BANK1: variants seen among roughly 807,000 people sequenced by gnomAD.
The protein encoded by BANK1 is B-cell scaffold protein with ankyrin repeats.
A neutral mutation model predicts 94.5 loss-of-function variants in BANK1; 95 were observed. That is an observed-to-expected ratio of 1.00 (90% CI 0.85 to 1.19). The LOEUF is 1.19. Ranked by LOEUF, BANK1 falls within the 50% of genes most tolerant of loss-of-function variation. The pLI is 0.00. For missense variants in BANK1, 987 were observed against 932.2 expected (o/e 1.06, Z -0.77); for synonymous variants, 334 against 308.4 (o/e 1.08, Z -0.87).
At chr4:101,791,526 A>G (rs1356210877) in intron 1 of BANK1, among the ~76,000 whole-genome samples, 1 of 152,230 alleles carries the variant, frequency 6.6e-6, no homozygotes, top group Non-Finnish European at 1.5e-5. Context: ...TGAATGCAGA[A>G]GTAGATTTAT....
intron 1 of BANK1, among the ~76,000 whole-genome samples, chr4:101,810,746 T>C (rs1725709678): frequency 6.6e-6 from 1 of 152,218 alleles, no homozygotes; most frequent in South Asian, 2.1e-4. Context: ...GTATTTATTT[T>C]ATCAGTGGTT....
intron 7 of BANK1, among the ~76,000 whole-genome samples, chr4:101,981,689 G>T (rs1237313701): frequency 6.6e-6 from 1 of 151,840 alleles, no homozygotes; most frequent in East Asian, 1.9e-4. Context: ...TTCCCTCATC[G>T]GTTAAAATGT....
Position 101,958,972 on chromosome 4 carries a change from C to T in BANK1, c.1206+40783C>T, listed in dbSNP as rs574776976. Among the ~76,000 whole-genome samples, 26 of 152,256 alleles carry T rather than the reference C, an allele frequency of 1.7e-4. No individual in the cohort carries two copies. In the Middle Eastern group the frequency reaches 0.017, roughly 100 times the overall value. ...GATAATTTCACTTTGGTGTAAAAAA[C>T]TTGCGGATGGTCCTGTAAAATCAGC... On this transcript the variant is annotated intron_variant, in intron 7 of 16. Transcript: ENST00000322953.
At chr4:101,920,970 G>T (rs200640677) in intron 7 of BANK1, among the ~76,000 whole-genome samples, 1 of 151,788 alleles carries the variant, frequency 6.6e-6, no homozygotes, top group African/African-American at 2.4e-5. Flanking sequence ...GGGAGGAAGA[G>T]AAAGGAGAGA....
intron 7 of BANK1, among the ~76,000 whole-genome samples, chr4:102,010,062 C>A (rs181593729): frequency 2.0e-5 from 3 of 151,988 alleles, no homozygotes; most frequent in Non-Finnish European, 2.9e-5. Flanking sequence ...GTCAGGAGAT[C>A]GAGACCATCC....
chr4:102,071,104 C>T (rs1200472446), intron 13 of BANK1, among the ~76,000 whole-genome samples, 171 bp from the exon 14 acceptor site: 2 of 152,068 alleles, frequency 1.3e-5, no homozygotes, highest in African/African-American at 2.4e-5. Context: ...TGGTTTCACT[C>T]ACAGTGGCTG....
chr4:101,901,023 A>G (rs139589479), intron 6 of BANK1, among the ~76,000 whole-genome samples: 1 of 152,288 alleles, frequency 6.6e-6, no homozygotes, highest in African/African-American at 2.4e-5. Flanking sequence ...AGAGAAGAAA[A>G]TTATCAACCA....
At chr4:102,056,962 G>A (rs1314790948) in intron 11 of BANK1, among the ~76,000 whole-genome samples, 2 of 152,090 alleles carry the variant, frequency 1.3e-5, no homozygotes, top group African/African-American at 2.4e-5. Flanking sequence ...CCGAGATCAC[G>A]CCACTGCACT....
intron 6 of BANK1, among the ~76,000 whole-genome samples, chr4:101,911,110 T>C (rs1416331015): frequency 6.6e-6 from 1 of 152,190 alleles, no homozygotes; most frequent in Admixed American, 6.5e-5. Flanking sequence ...GATGAGAAGT[T>C]GCATACTTTG....
intron 7 of BANK1, among the ~76,000 whole-genome samples, chr4:102,001,472 C>T (rs573757113): frequency 1.3e-5 from 2 of 152,176 alleles, no homozygotes; most frequent in Admixed American, 6.5e-5. Context: ...TGGTGGCACA[C>T]GCCTGTAGTC....
rs75065762 is a variant in BANK1 at position 101,861,784 on chromosome 4, A to G, written c.625-742A>G. On this transcript the variant is annotated intron_variant, in intron 3 of 16. Coordinates refer to ENST00000322953, the MANE Select transcript of BANK1 (RefSeq NM_017935.5). ...TGCTGAGTATAATTTCTAGTATAAA[A>G]TAGATAATAAATGTTTATGCCTTTC... is the stretch of plus-strand genomic sequence containing the variant. Among the ~76,000 whole-genome samples the G allele has an allele frequency of 7.8e-4, 118 of 152,238 alleles. 1 individual carries two copies. The East Asian group carries it at 0.022, about 28-fold the overall frequency.
At chr4:101,900,692 T>C (rs1467108181) in intron 6 of BANK1, among the ~76,000 whole-genome samples, 1 of 152,178 alleles carries the variant, frequency 6.6e-6, no homozygotes, top group Non-Finnish European at 1.5e-5. Flanking sequence ...TAAATATCAA[T>C]GCTGTTAACT....
chr4:101,935,217 T>G (rs140742921), intron 7 of BANK1, among the ~76,000 whole-genome samples: 9 of 151,596 alleles, frequency 5.9e-5, no homozygotes, highest in African/African-American at 2.2e-4. Context: ...CAAATTAACA[T>G]AGTAAAACTG....
intron 6 of BANK1, among the ~76,000 whole-genome samples, chr4:101,897,034 G>A (rs1203245476): frequency 6.6e-6 from 1 of 151,814 alleles, no homozygotes; most frequent in Non-Finnish European, 1.5e-5. Context: ...AGTTCTATTT[G>A]GAAATTATTT....
chr4:102,061,296 A>G (rs1439465406), intron 12 of BANK1: 2 of 152,218 alleles, frequency 1.3e-5, no homozygotes, highest in Non-Finnish European at 2.9e-5. Flanking sequence ...GGGCCAGGGG[A>G]CTTTCCCAGT....
chr4:102,066,176 AAC>A (rs1728584626), intron 13 of BANK1, among the ~76,000 whole-genome samples: 1 of 152,182 alleles, frequency 6.6e-6, no homozygotes. Flanking sequence ...AGCCAGAGAA[AAC>A]ACACGTTACA....
At chr4:101,812,444 A>G (rs535206848) in intron 1 of BANK1, among the ~76,000 whole-genome samples, 1 of 152,102 alleles carries the variant, frequency 6.6e-6, no homozygotes, top group Non-Finnish European at 1.5e-5. Context: ...TCTCTACACT[A>G]TATTTAAAGG....
At chr4:101,881,438 T>C (rs951980007) in intron 5 of BANK1, among the ~76,000 whole-genome samples, 1 of 152,124 alleles carries the variant, frequency 6.6e-6, no homozygotes, top group African/African-American at 2.4e-5. Context: ...TAACAAATGC[T>C]GGTGAGGATG....
At chr4:101,976,193 T>G (rs1725120725) in intron 7 of BANK1, among the ~76,000 whole-genome samples, 2 of 152,128 alleles carry the variant, frequency 1.3e-5, no homozygotes, top group Admixed American at 1.3e-4. Context: ...GTTGCCTCTT[T>G]TCAGTATTCT....
Sources: gnomAD v4.1 joint callset for allele counts (sites outside exome capture counted in the v4.1 genomes callset) on GRCh38, gnomAD v4.1.1 for gene constraint, MANE v1.5 for transcripts, NCBI Gene and HGNC (gene_info 2026-07-23, HGNC 2026-07-21) for gene names.